The following JPH1 variants were observed in gnomAD, a reference collection of about 807,000 sequenced individuals.
JPH1 encodes junctophilin 1, also known as junctophilin-1.
In JPH1, 12 loss-of-function variants were observed where a neutral mutation model predicts 53.6. The observed-to-expected ratio is 0.22, with a 90% CI of 0.14 to 0.36. The LOEUF (loss-of-function observed/expected upper bound fraction) is 0.36. Ranked by LOEUF, JPH1 falls within the 10% of genes least tolerant of loss-of-function variation. The probability of loss-of-function intolerance (pLI) is 1.00; values close to 1 mark genes in which losing one functional copy is unlikely to be tolerated. For missense variants in JPH1, 808 were observed against 905.5 expected, an observed-to-expected ratio of 0.89 and a Z score of 1.38; for synonymous variants, 375 against 363.8, an observed-to-expected ratio of 1.03 and a Z score of -0.35.
intron 2 of JPH1, among the ~76,000 whole-genome samples, chr8:74,303,370 G>A (rs528108080): frequency 9.9e-5 from 15 of 152,228 alleles, no homozygotes; most frequent in Admixed American, 7.8e-4. Context: ...ATCCTTCTGA[G>A]TAAACAGTAC....
chr8:74,291,346 C>T (rs1226083127), intron 2 of JPH1, among the ~76,000 whole-genome samples: 2 of 152,192 alleles, frequency 1.3e-5, no homozygotes, highest in African/African-American at 2.4e-5. Context: ...CAAAAGAAGA[C>T]ATTTATGCAG....
At chr8:74,246,809 G>A (rs1379323985) in intron 3 of JPH1, among the ~76,000 whole-genome samples, 3 of 152,098 alleles carry the variant, frequency 2.0e-5, no homozygotes, top group Non-Finnish European at 2.9e-5. Context: ...TGTCAAGATC[G>A]CACATGGACA....
At position 74,314,940 on chromosome 8, in the gene JPH1, C is replaced by G. The variant is rs1339680660; in HGVS notation, c.1060G>C (p.Glu354Gln). Residue 354 changes from glutamate to glutamine, a missense_variant, in exon 2 of 6, where the codon GAG becomes CAG. Coordinates refer to ENST00000342232, the MANE Select transcript of JPH1 (RefSeq NM_020647.4). ...CCTTCAATTGCTCTGTCCACCTTCT[C>G]CCTAGTTTTTGTATGTCTTATTGGT... is the stretch of plus-strand genomic sequence containing the variant. ...LIPIRHTKTREKVDRAIEGAQ... is the reference protein window; with the variant it reads ...LIPIRHTKTRQKVDRAIEGAQ... 7 of 1,614,202 alleles carry G rather than the reference C, an allele frequency of 4.3e-6. No homozygotes were observed. The South Asian group carries it at 7.7e-5, about 18-fold the overall frequency.
intron 2 of JPH1, among the ~76,000 whole-genome samples, chr8:74,263,418 C>T (rs1309759621): frequency 6.6e-6 from 1 of 152,138 alleles, no homozygotes; most frequent in Non-Finnish European, 1.5e-5. Context: ...TTGTGATTTG[C>T]TTTGACGTAC....
Position 74,321,027 on chromosome 8 carries a change from T to G in JPH1, c.261A>C (p.Ser87=). 1.4e-5 allele frequency: 22 copies of G among 1,613,162 alleles called. No homozygotes were observed. Among genetic ancestry groups the G allele is most frequent in the Non-Finnish European group, 1.8e-5 (21 of 1,179,632 alleles). ...CCCCGTAGCGCCCCTTGAAACCATG[T>G]GACCACTCCCCCCGGTACATCCACT... ...KGKWMYRGEW[S]HGFKGRYGVR... The change falls in exon 1 of 6, where the codon TCA becomes TCC. Residue 87 remains serine (S), a synonymous_variant. Coordinates refer to ENST00000342232, the MANE Select transcript of JPH1 (RefSeq NM_020647.4). This position sits in a 1 kb window ranked among gnomAD's most constrained non-coding sequence, Gnocchi z 4.3.
chr8:74,266,871 T>C (rs1806548249), intron 2 of JPH1, among the ~76,000 whole-genome samples: 1 of 152,178 alleles, frequency 6.6e-6, no homozygotes, highest in Non-Finnish European at 1.5e-5. Context: ...AGCTGTAATG[T>C]ATAGCAATAA....
At chr8:74,255,985 G>A (rs1313316496) in intron 3 of JPH1, among the ~76,000 whole-genome samples, 2 of 152,160 alleles carry the variant, frequency 1.3e-5, no homozygotes, top group Non-Finnish European at 2.9e-5. Context: ...TGGGTGTGGC[G>A]ATTCCTCAGG....
chr8:74,304,772 T>C (rs907844788), intron 2 of JPH1, among the ~76,000 whole-genome samples: 2 of 152,206 alleles, frequency 1.3e-5, no homozygotes, highest in African/African-American at 4.8e-5. Flanking sequence ...ATAATAAAAT[T>C]GTTTGTTAAT....
chr8:74,275,461 G>A (rs1054286745), intron 2 of JPH1, among the ~76,000 whole-genome samples: 1 of 152,190 alleles, frequency 6.6e-6, no homozygotes, highest in African/African-American at 2.4e-5. Context: ...TAAACAAGAT[G>A]TCATCTTCTT....
intron 1 of JPH1, among the ~76,000 whole-genome samples, chr8:74,319,755 C>G (rs537805539): frequency 1.3e-5 from 2 of 152,290 alleles, no homozygotes; most frequent in South Asian, 2.1e-4. Flanking sequence ...CAACTCTGAG[C>G]TGCTTAATTC....
chr8:74,261,626 C>T (rs1418903325), intron 2 of JPH1, among the ~76,000 whole-genome samples: 1 of 152,218 alleles, frequency 6.6e-6, no homozygotes, highest in Non-Finnish European at 1.5e-5. Flanking sequence ...TGCCTTAGTC[C>T]TGTGTGTTGT....
intron 3 of JPH1, among the ~76,000 whole-genome samples, chr8:74,257,609 C>T (rs1033354581): frequency 2.6e-5 from 4 of 152,148 alleles, no homozygotes; most frequent in Non-Finnish European, 4.4e-5. Context: ...CCAGCTCTCA[C>T]GCCCTGGAAC....
chr8:74,286,626 A>T (rs1807171961), intron 2 of JPH1, among the ~76,000 whole-genome samples: 1 of 152,192 alleles, frequency 6.6e-6, no homozygotes, highest in East Asian at 1.9e-4. Context: ...GTATCTCCCT[A>T]ACCTACCTGA....
chr8:74,311,488 ATCTTT>A (rs1358344800), intron 2 of JPH1, among the ~76,000 whole-genome samples: 1 of 151,750 alleles, frequency 6.6e-6, no homozygotes, highest in African/African-American at 2.4e-5. Flanking sequence ...TCTTAAAAGA[ATCTTT>A]TCTTATTTTT....
chr8:74,319,319 A>G (rs1808247492), intron 1 of JPH1, among the ~76,000 whole-genome samples: 1 of 152,216 alleles, frequency 6.6e-6, no homozygotes, highest in African/African-American at 2.4e-5. Context: ...CACATTTAAA[A>G]CAATAAATTT....
chr8:74,260,622 G>T lies in JPH1; in HGVS notation c.1140-1119C>A, dbSNP rs549301209. ...GACAGCAGGAGAGAGGAGGAGTTGGGAAAAGGCATGGGCTTTGGATGCTCT... is the reference window on the plus strand; with the variant it reads ...GACAGCAGGAGAGAGGAGGAGTTGGTAAAAGGCATGGGCTTTGGATGCTCT... On this transcript the variant is annotated intron_variant, in intron 2 of 5. Transcript: ENST00000342232. 3.3e-5 allele frequency among the ~76,000 whole-genome samples: 5 copies of T among 152,246 alleles called. No individual in the cohort carries two copies. In the East Asian group the frequency reaches 9.7e-4, roughly 29 times the overall value.
intron 3 of JPH1, among the ~76,000 whole-genome samples, chr8:74,254,429 C>T (rs1302174223): frequency 6.6e-6 from 1 of 152,154 alleles, no homozygotes; most frequent in Admixed American, 6.5e-5. Context: ...AAACCCACAG[C>T]CAATATCATA....
At chr8:74,251,317 C>A (rs968591597) in intron 3 of JPH1, among the ~76,000 whole-genome samples, 19 of 152,258 alleles carry the variant, frequency 1.2e-4, no homozygotes, top group African/African-American at 4.6e-4. Context: ...AATCAGGTTA[C>A]AAGGAAATCC....
chr8:74,275,822 C>T (rs1455238402), intron 2 of JPH1, among the ~76,000 whole-genome samples: 1 of 152,202 alleles, frequency 6.6e-6, no homozygotes, highest in Non-Finnish European at 1.5e-5. Flanking sequence ...CACTTCCCCA[C>T]CCCCTGCTCT....
Sources: allele counts gnomAD v4.1 joint callset (sites outside exome capture counted in the v4.1 genomes callset), GRCh38; gene constraint gnomAD v4.1.1; non-coding constraint Gnocchi (gnomAD v3.1); transcripts MANE v1.5; gene names NCBI Gene and HGNC (gene_info 2026-07-23, HGNC 2026-07-21).